Variants in SLC16A7 observed in about 807,000 individuals in gnomAD.
SLC16A7 encodes the protein monocarboxylate transporter 2.
A neutral mutation model predicts 34.9 loss-of-function variants in SLC16A7; 33 were observed. That is an observed-to-expected ratio of 0.94 (90% CI 0.72 to 1.26). SLC16A7 has a LOEUF of 1.26. Among genes scored for constraint, SLC16A7 ranks in the 50% most tolerant of loss-of-function variants. The pLI, the probability that SLC16A7 is intolerant of heterozygous loss-of-function variation, is 0.00. For missense variants in SLC16A7, 573 were observed against 578.1 expected (o/e 0.99, Z 0.09); for synonymous variants, 201 against 206.6 (o/e 0.97, Z 0.23).
Position 59,735,741 on chromosome 12 carries a change from G to A in SLC16A7, c.217+30723G>A, listed in dbSNP as rs1877514582. Among the ~76,000 whole-genome samples, 7 of 152,156 alleles carry A rather than the reference G, an allele frequency of 4.6e-5. No individual in the cohort carries two copies. In the South Asian group the frequency reaches 1.4e-3, roughly 32 times the overall value. ...TTATATTAAAACATAAATTTAATAT[G>A]CAATTTCCACTGGGGTTTTTTGAAC... is the stretch of plus-strand genomic sequence containing the variant. On this transcript the variant is annotated intron_variant, in intron 3 of 5. Coordinates refer to ENST00000547379, the MANE Select transcript of SLC16A7 (RefSeq NM_001270623.2).
At chr12:59,773,184 A>G (rs1330291996) in intron 4 of SLC16A7, among the ~76,000 whole-genome samples, 1 of 151,984 alleles carries the variant, frequency 6.6e-6, no homozygotes, top group Non-Finnish European at 1.5e-5. Flanking sequence ...CTACTTGACC[A>G]TAGGCTGGTC....
At chr12:59,761,971 A>C (rs1297109674) in intron 3 of SLC16A7, among the ~76,000 whole-genome samples, 1 of 151,982 alleles carries the variant, frequency 6.6e-6, no homozygotes, top group Admixed American at 6.6e-5. Context: ...GTTATATATG[A>C]TTTTACTCAT....
intron 1 of SLC16A7, among the ~76,000 whole-genome samples, chr12:59,610,924 CA>C (rs1879164787): frequency 6.6e-6 from 1 of 152,242 alleles, no homozygotes; most frequent in African/African-American, 2.4e-5. Flanking sequence ...ATAAACAACA[CA>C]ATTTTTTTTT....
intron 1 of SLC16A7, among the ~76,000 whole-genome samples, chr12:59,608,909 C>T (rs140554946): frequency 0.015 from 2,217 of 152,176 alleles, 46 homozygotes; most frequent in African/African-American, 0.051. Context: ...TGCCTAGAAA[C>T]CTAATTATGA....
At chr12:59,635,898 T>C (rs1880398737) in intron 1 of SLC16A7, among the ~76,000 whole-genome samples, 1 of 151,904 alleles carries the variant, frequency 6.6e-6, no homozygotes, top group Admixed American at 6.6e-5. Context: ...TCAGTAGTAT[T>C]CAGAAAGATT....
intron 2 of SLC16A7, among the ~76,000 whole-genome samples, chr12:59,689,075 A>T (rs1009938619): frequency 1.3e-5 from 2 of 151,948 alleles, no homozygotes; most frequent in Admixed American, 1.3e-4. Flanking sequence ...ATGCTATCAT[A>T]CAGGTTTATA....
intron 3 of SLC16A7, among the ~76,000 whole-genome samples, 181 bp downstream of exon 3, chr12:59,705,199 C>G (rs1471973251): frequency 6.6e-6 from 1 of 152,120 alleles, no homozygotes; most frequent in African/African-American, 2.4e-5. Flanking sequence ...GCATCTTAAG[C>G]TATTTGCTTC....
intron 2 of SLC16A7, among the ~76,000 whole-genome samples, chr12:59,671,773 G>GTA (rs775029758): frequency 2.2e-5 from 3 of 138,078 alleles, no homozygotes; most frequent in African/African-American, 5.5e-5. Flanking sequence ...GTATATATGT[G>GTA]TATATATATG....
At chr12:59,724,040 A>G (rs1436466384) in intron 3 of SLC16A7, among the ~76,000 whole-genome samples, 1 of 152,016 alleles carries the variant, frequency 6.6e-6, no homozygotes, top group Non-Finnish European at 1.5e-5. Flanking sequence ...CTACCGATTG[A>G]TATATGTATA....
At chr12:59,603,412 C>A (rs1435810775) in intron 1 of SLC16A7, among the ~76,000 whole-genome samples, 1 of 152,154 alleles carries the variant, frequency 6.6e-6, no homozygotes, top group African/African-American at 2.4e-5. Context: ...GTCCTCATGC[C>A]TCGTTCATTC....
At chr12:59,696,828 A>C (rs895936075) in intron 2 of SLC16A7, among the ~76,000 whole-genome samples, 3 of 151,968 alleles carry the variant, frequency 2.0e-5, no homozygotes, top group African/African-American at 7.2e-5. Flanking sequence ...GAAAAACAAA[A>C]TAAGTAGTAG....
chr12:59,608,628 T>C (rs140258990), intron 1 of SLC16A7, among the ~76,000 whole-genome samples: 2 of 152,352 alleles, frequency 1.3e-5, no homozygotes, highest in Admixed American at 6.5e-5. Context: ...CAGGAGGATT[T>C]ATAGACATCA....
intron 2 of SLC16A7, among the ~76,000 whole-genome samples, chr12:59,681,013 C>G (rs1002411159): frequency 1.3e-5 from 2 of 152,214 alleles, no homozygotes; most frequent in African/African-American, 4.8e-5. Flanking sequence ...AAAACACTGC[C>G]TATGTAAAGT....
At chr12:59,605,516 T>A (rs540686086) in intron 1 of SLC16A7, among the ~76,000 whole-genome samples, 1 of 152,220 alleles carries the variant, frequency 6.6e-6, no homozygotes, top group Non-Finnish European at 1.5e-5. Context: ...AGAGGGATTT[T>A]GAATAAAGCC....
rs377075781 is a variant in SLC16A7 at position 59,643,351 on chromosome 12, G to A, written c.-129-11801G>A. Reference sequence around the variant, plus strand: ...GTCTCTAATATACATATAAGTTTTCGGCACAAGTTGAAAGTGGTAAGCATA... The same window carrying A: ...GTCTCTAATATACATATAAGTTTTCAGCACAAGTTGAAAGTGGTAAGCATA... On this transcript the variant is annotated intron_variant, in intron 1 of 5. Transcript: ENST00000547379. Among the ~76,000 whole-genome samples the A allele has an allele frequency of 4.6e-5, 7 of 152,060 alleles. No individual in the cohort carries two copies. The East Asian group carries it at 1.4e-3, about 29-fold the overall frequency.
intron 1 of SLC16A7, among the ~76,000 whole-genome samples, chr12:59,612,862 A>G (rs1255216731): frequency 6.6e-6 from 1 of 152,198 alleles, no homozygotes; most frequent in East Asian, 1.9e-4. Context: ...ACATATTACT[A>G]TCAGTATTTT....
At chr12:59,737,189 CTAATCCTCTCCATGAGG>C (rs1341059109) in intron 3 of SLC16A7, among the ~76,000 whole-genome samples, 1 of 152,186 alleles carries the variant, frequency 6.6e-6, no homozygotes, top group South Asian at 2.1e-4. Context: ...TACAACTCAC[CTAATCCTCTCCATGAGG>C]TTATCTTCTT....
intron 3 of SLC16A7, among the ~76,000 whole-genome samples, chr12:59,753,469 A>C (rs529620823): frequency 6.6e-6 from 1 of 152,318 alleles, no homozygotes; most frequent in South Asian, 2.1e-4. Flanking sequence ...GACTCTGATA[A>C]AACAGACTTT....
chr12:59,661,492 A>G (rs1009151532), intron 2 of SLC16A7, among the ~76,000 whole-genome samples: 22 of 151,968 alleles, frequency 1.4e-4, no homozygotes, highest in African/African-American at 4.4e-4. Context: ...GCTAAGTGGA[A>G]CCCAAGGTCC....
Sources: allele counts gnomAD v4.1 joint callset (sites outside exome capture counted in the v4.1 genomes callset), GRCh38; gene constraint gnomAD v4.1.1; transcripts MANE v1.5; gene names NCBI Gene and HGNC (gene_info 2026-07-23, HGNC 2026-07-21).